Variants in DENND1A observed in about 807,000 individuals in gnomAD.
DENND1A encodes DENN domain-containing protein 1A.
DENND1A carries 51 observed loss-of-function variants against 113.7 expected under a neutral mutation model. The observed-to-expected ratio is 0.45, with a 90% CI of 0.36 to 0.57. The LOEUF (loss-of-function observed/expected upper bound fraction) is 0.57, where lower values mean the gene tolerates loss of function less well. Ranked by LOEUF, DENND1A falls within the 20% of genes least tolerant of loss-of-function variation. The pLI is 0.00. For synonymous variants in DENND1A, 565 were observed against 570.8 expected (o/e 0.99, Z 0.14); for missense variants, 1,258 against 1,395.9 (o/e 0.90, Z 1.57).
chr9:123,644,428 T>C (rs1170086422), intron 9 of DENND1A, among the ~76,000 whole-genome samples: 4 of 149,554 alleles, frequency 2.7e-5, no homozygotes, highest in African/African-American at 4.9e-5. Flanking sequence ...CAATCAGGTC[T>C]TATTTTTCAC....
At chr9:123,872,507 T>C (rs1008632632) in intron 2 of DENND1A, among the ~76,000 whole-genome samples, 2 of 152,106 alleles carry the variant, frequency 1.3e-5, no homozygotes, top group African/African-American at 4.8e-5. Flanking sequence ...TTTTATATTT[T>C]ATTTACACAC....
chr9:123,584,633 T>TAA (rs1457848213), intron 11 of DENND1A, among the ~76,000 whole-genome samples: 1 of 152,226 alleles, frequency 6.6e-6, no homozygotes, highest in Non-Finnish European at 1.5e-5. Context: ...TTAATTCTTA[T>TAA]CAACCCCTGT....
chr9:123,668,693 A>C (rs2063611682), intron 7 of DENND1A, among the ~76,000 whole-genome samples: 1 of 152,226 alleles, frequency 6.6e-6, no homozygotes, highest in Non-Finnish European at 1.5e-5. Context: ...CAAATAAAAA[A>C]GTAAAAAATA....
chr9:123,638,189 C>T (rs895286701), intron 9 of DENND1A, among the ~76,000 whole-genome samples: 3 of 152,064 alleles, frequency 2.0e-5, no homozygotes, highest in African/African-American at 7.2e-5. Context: ...ATCAAAGCAA[C>T]TAAAACTGCC....
chr9:123,903,280 C>G (rs1257126249), intron 1 of DENND1A, among the ~76,000 whole-genome samples: 1 of 132,514 alleles, frequency 7.5e-6, no homozygotes, highest in East Asian at 2.2e-4. Flanking sequence ...TGCAGTGAGC[C>G]GAGATCCCGC....
At chr9:123,806,825 T>A (rs1314158668) in intron 2 of DENND1A, among the ~76,000 whole-genome samples, 3 of 152,204 alleles carry the variant, frequency 2.0e-5, no homozygotes, top group Non-Finnish European at 4.4e-5. Context: ...AATGAAGGAA[T>A]AAAGGGAGTA....
At chr9:123,668,843 G>T (rs1036868149) in intron 7 of DENND1A, among the ~76,000 whole-genome samples, 2 of 152,164 alleles carry the variant, frequency 1.3e-5, no homozygotes, top group African/African-American at 4.8e-5. Flanking sequence ...CAACAGTGAG[G>T]ATTAAAACAG....
chr9:123,444,572 T>C (rs117033593), intron 18 of DENND1A, among the ~76,000 whole-genome samples: 2,505 of 152,240 alleles, frequency 0.016, 31 homozygotes, highest in Non-Finnish European at 0.025. Context: ...GAAAATTGCA[T>C]GAACCAGGGA....
intron 2 of DENND1A, among the ~76,000 whole-genome samples, chr9:123,824,184 T>C (rs1838950737): frequency 6.6e-6 from 1 of 152,044 alleles, no homozygotes; most frequent in African/African-American, 2.4e-5. Context: ...AGAAACAGGC[T>C]CAGAGAGGTA....
At chr9:123,633,716 C>G (rs1296175713) in intron 9 of DENND1A, among the ~76,000 whole-genome samples, 1 of 152,148 alleles carries the variant, frequency 6.6e-6, no homozygotes, top group African/African-American at 2.4e-5. Flanking sequence ...GCAGAGGTTG[C>G]AGTGGGCTGA....
intron 12 of DENND1A, among the ~76,000 whole-genome samples, chr9:123,573,513 C>T (rs940784480): frequency 3.3e-5 from 5 of 151,918 alleles, no homozygotes; most frequent in African/African-American, 1.2e-4. Flanking sequence ...AAATTTTCAA[C>T]ATATTTTCTT....
intron 13 of DENND1A, among the ~76,000 whole-genome samples, chr9:123,471,275 T>C (rs901246177): frequency 1.3e-5 from 2 of 152,074 alleles, no homozygotes; most frequent in Non-Finnish European, 2.9e-5. Context: ...CCCTAACCCC[T>C]CAGAGACCAC....
At chr9:123,858,208 A>G (rs562218293) in intron 2 of DENND1A, among the ~76,000 whole-genome samples, 2 of 152,250 alleles carry the variant, frequency 1.3e-5, no homozygotes, top group Non-Finnish European at 1.5e-5. Flanking sequence ...TATCAATGTT[A>G]ATTTCCTCAC....
At chr9:123,773,788 G>A (rs1830073622) in intron 3 of DENND1A, among the ~76,000 whole-genome samples, 1 of 152,178 alleles carries the variant, frequency 6.6e-6, no homozygotes, top group Non-Finnish European at 1.5e-5. Flanking sequence ...TAAAAGTGCA[G>A]AGTGATTATA....
At chr9:123,570,317 C>T (rs2058287981) in intron 12 of DENND1A, among the ~76,000 whole-genome samples, 1 of 152,068 alleles carries the variant, frequency 6.6e-6, no homozygotes, top group Admixed American at 6.5e-5. Context: ...GCAAAGCTGT[C>T]AGTAAAAAGT....
Position 123,470,866 on chromosome 9 carries a change from C to T in DENND1A, c.994-12969G>A, listed in dbSNP as rs536787468. Among the ~76,000 whole-genome samples the T allele has an allele frequency of 2.8e-4, 42 of 152,256 alleles. 1 individual carries two copies. Among genetic ancestry groups the T allele is most frequent in the African/African-American group, 9.6e-4 (40 of 41,532 alleles). On this transcript the variant is annotated intron_variant, in intron 13 of 23. Coordinates refer to ENST00000394215, the MANE Select transcript of DENND1A (RefSeq NM_001352964.2). ...TATTTATTATCACTCCTCCTCCGAA[C>T]GTCACTCATGCAGGGCTGAGTCTCT...
In DENND1A at chr9:123,651,993, TCTTAAGA is replaced by T. The variant is rs2062686096; in HGVS notation, c.618+13_618+19del. The T allele has an allele frequency of 1.9e-6, 3 of 1,608,566 alleles. No individual in the cohort carries two copies. In the South Asian group the frequency reaches 3.3e-5, roughly 18 times the overall value. ...TAAAATTAGATCATTAAAAAGCCAG[TCTTAAGA>T]CTGTCTACTCACAGTGCTGAGTTTG... On this transcript the variant is annotated intron_variant, in intron 9 of 23. Coordinates refer to ENST00000394215, the MANE Select transcript of DENND1A (RefSeq NM_001352964.2).
intron 5 of DENND1A, among the ~76,000 whole-genome samples, chr9:123,745,563 C>A (rs118101375): frequency 2.0e-5 from 3 of 152,186 alleles, no homozygotes; most frequent in Non-Finnish European, 4.4e-5. Flanking sequence ...AATAAAATTG[C>A]CCAATTTGGC....
intron 12 of DENND1A, among the ~76,000 whole-genome samples, chr9:123,566,942 A>ACACACAC (rs1554883243): frequency 1.1e-4 from 8 of 73,072 alleles, no homozygotes; most frequent in African/African-American, 4.6e-4. Context: ...CACACACACA[A>ACACACAC]ACACACACAC....
Sources: gnomAD v4.1 joint callset for allele counts (sites outside exome capture counted in the v4.1 genomes callset) on GRCh38, gnomAD v4.1.1 for gene constraint, MANE v1.5 for transcripts, NCBI Gene and HGNC (gene_info 2026-07-23, HGNC 2026-07-21) for gene names.